The following UVRAG variants were observed in gnomAD, a reference collection of about 807,000 sequenced individuals.
The protein encoded by UVRAG is UV radiation resistance associated.
A neutral mutation model predicts 78.0 loss-of-function variants in UVRAG; 19 were observed. The ratio of observed to expected loss-of-function variants is 0.24; its 90% CI spans 0.17 to 0.36. The LOEUF is 0.36. Among genes scored for constraint, UVRAG ranks in the 10% least tolerant of loss-of-function variants. The pLI is 1.00. For missense variants in UVRAG, 740 were observed against 853.8 expected (o/e 0.87, Z 1.66); for synonymous variants, 323 against 324.6 (o/e 1.00, Z 0.05).
At chr11:76,084,154 A>G (rs552275094) in intron 13 of UVRAG, among the ~76,000 whole-genome samples, 1 of 152,230 alleles carries the variant, frequency 6.6e-6, no homozygotes, top group African/African-American at 2.4e-5. Flanking sequence ...AGACATCATC[A>G]TCAAGCCCCA....
At chr11:76,102,776 G>C (rs1415952011) in intron 13 of UVRAG, among the ~76,000 whole-genome samples, 1 of 152,140 alleles carries the variant, frequency 6.6e-6, no homozygotes, top group African/African-American at 2.4e-5. Flanking sequence ...TTTTTATCAT[G>C]AAGGGATGTT....
intron 7 of UVRAG, among the ~76,000 whole-genome samples, chr11:75,980,887 A>T (rs532371906): frequency 6.6e-6 from 1 of 151,742 alleles, no homozygotes; most frequent in Non-Finnish European, 1.5e-5. Context: ...TGCCATGTTG[A>T]CTAGGCTGGT....
rs111600154 is a variant in UVRAG, at chr11:75,875,470, G to GT, written c.271-4394dup. 5.1e-3 allele frequency among the ~76,000 whole-genome samples: 702 copies of GT among 137,138 alleles called. 1 individual carries two copies. The highest frequency in any genetic ancestry group is 0.011 in the Middle Eastern group (3 of 262). 90.0% of individuals were successfully genotyped at this position (137,138 alleles called of 152,430 possible). ...GTTACGTATTTAAACCTGTGAATTA[G>GT]TTTTTTTTTTTTTTTAATCAGTCTA... On this transcript the variant is annotated intron_variant, in intron 3 of 14. Transcript: ENST00000356136.
At chr11:75,832,979 G>T (rs75993725) in intron 1 of UVRAG, among the ~76,000 whole-genome samples, 1 of 152,112 alleles carries the variant, frequency 6.6e-6, no homozygotes, top group Non-Finnish European at 1.5e-5. Flanking sequence ...TATCATACCA[G>T]TGTCACAGAG....
chr11:76,131,471 C>A (rs925968125), intron 14 of UVRAG, among the ~76,000 whole-genome samples: 1 of 152,208 alleles, frequency 6.6e-6, no homozygotes, highest in African/African-American at 2.4e-5. Flanking sequence ...TGTCTTTTGC[C>A]TGTGGAACTT....
intron 13 of UVRAG, among the ~76,000 whole-genome samples, chr11:76,102,681 T>G: frequency 6.6e-6 from 1 of 152,210 alleles, no homozygotes; most frequent in East Asian, 1.9e-4. Flanking sequence ...CTTTTGCCCA[T>G]TAAGTATGAT....
intron 3 of UVRAG, 91 bp downstream of exon 3, chr11:75,861,871 C>T: frequency 3.6e-6 from 4 of 1,117,522 alleles, no homozygotes; most frequent in Non-Finnish European, 5.3e-6. Flanking sequence ...AGGTTCAGCT[C>T]TGGTTTTATG....
At chr11:76,100,901 T>C (rs1951869020) in intron 13 of UVRAG, among the ~76,000 whole-genome samples, 2 of 152,150 alleles carry the variant, frequency 1.3e-5, no homozygotes, top group African/African-American at 4.8e-5. Context: ...AGGATAATGA[T>C]CTCCAGCTCC....
rs182212831 is a variant in UVRAG, at chr11:76,031,765, G to T, written c.1226+14785G>T. Among the ~76,000 whole-genome samples the T allele has an allele frequency of 1.7e-3, 254 of 152,230 alleles. 1 individual carries two copies. The highest frequency in any genetic ancestry group is 2.8e-3 in the Non-Finnish European group (190 of 68,008). On this transcript the variant is annotated intron_variant, in intron 12 of 14. Transcript: ENST00000356136. ...AATAATATATTTAGTTAATAGTGGG[G>T]TATGTCCCACATTCAATACTGTTAC...
chr11:76,056,831 T>G (rs1012094799), intron 12 of UVRAG, among the ~76,000 whole-genome samples: 1 of 152,214 alleles, frequency 6.6e-6, no homozygotes, highest in Admixed American at 6.5e-5. Flanking sequence ...CCACTCTTAG[T>G]CTAATCTGCC....
At chr11:76,131,371 C>G (rs1952510568) in intron 14 of UVRAG, among the ~76,000 whole-genome samples, 1 of 152,164 alleles carries the variant, frequency 6.6e-6, no homozygotes, top group Non-Finnish European at 1.5e-5. Flanking sequence ...CATCCTCTGT[C>G]CACTGGCCCA....
chr11:75,828,774 TACACACA>T (rs1945585775), intron 1 of UVRAG, among the ~76,000 whole-genome samples: 5 of 100,854 alleles, frequency 5.0e-5, no homozygotes, highest in African/African-American at 1.7e-4. Context: ...TATATATATA[TACACACA>T]TATATATATA....
chr11:76,029,677 A>G (rs1395443856), intron 12 of UVRAG, among the ~76,000 whole-genome samples: 3 of 152,192 alleles, frequency 2.0e-5, no homozygotes, highest in African/African-American at 7.2e-5. Context: ...GATGGAACCT[A>G]ATTCTAGTGA....
chr11:75,825,841 C>CT lies in UVRAG; in HGVS notation c.117+10329dup, dbSNP rs1049114164. ...GGCTGGGTGTGTTGAGAAGTTGTTTCTTTTTTTTTTTTGAGATGGAGTTTT... is the reference window on the plus strand; with the variant it reads ...GGCTGGGTGTGTTGAGAAGTTGTTTCTTTTTTTTTTTTTGAGATGGAGTTTT... On this transcript the variant is annotated intron_variant, in intron 1 of 14. Coordinates refer to ENST00000356136, the MANE Select transcript of UVRAG (RefSeq NM_003369.4). Among the ~76,000 whole-genome samples the CT allele has an allele frequency of 2.6e-3, 369 of 144,146 alleles. 5 individuals are homozygous for CT. Among genetic ancestry groups the CT allele is most frequent in the African/African-American group, 6.3e-3 (248 of 39,654 alleles). The allele number at this position is 144,146 out of a possible 152,430, so 94.6% of individuals were successfully genotyped here.
At chr11:75,985,244 C>T (rs1949476809) in intron 8 of UVRAG, among the ~76,000 whole-genome samples, 1 of 143,688 alleles carries the variant, frequency 7.0e-6, no homozygotes, top group Non-Finnish European at 1.5e-5. Flanking sequence ...GTTGTAATAT[C>T]CTCTTGCAGT....
At chr11:76,011,850 G>A (rs1950056990) in intron 11 of UVRAG, among the ~76,000 whole-genome samples, 1 of 152,136 alleles carries the variant, frequency 6.6e-6, no homozygotes, top group Non-Finnish European at 1.5e-5. Flanking sequence ...CTCTGTGTCA[G>A]GCACTTAGAA....
At chr11:76,057,309 G>A (rs1951002887) in intron 12 of UVRAG, among the ~76,000 whole-genome samples, 2 of 152,074 alleles carry the variant, frequency 1.3e-5, no homozygotes, top group African/African-American at 2.4e-5. Flanking sequence ...CCGAACCAAT[G>A]GATATCTGTT....
chr11:76,124,366 A>G (rs368598307), intron 14 of UVRAG, among the ~76,000 whole-genome samples: 1 of 152,208 alleles, frequency 6.6e-6, no homozygotes, highest in African/African-American at 2.4e-5. Flanking sequence ...AAATTATTAG[A>G]TAAGACAAAT....
chr11:75,952,809 A>G (rs1366606626), intron 6 of UVRAG, among the ~76,000 whole-genome samples: 1 of 152,036 alleles, frequency 6.6e-6, no homozygotes, highest in African/African-American at 2.4e-5. Context: ...CATGAAACAA[A>G]CTGAAAGCAT....
Sources: allele counts gnomAD v4.1 joint callset (sites outside exome capture counted in the v4.1 genomes callset), GRCh38; gene constraint gnomAD v4.1.1; transcripts MANE v1.5; gene names NCBI Gene and HGNC (gene_info 2026-07-23, HGNC 2026-07-21).